Variants in CADM2 observed in about 807,000 individuals in gnomAD.
CADM2 encodes cell adhesion molecule 2.
Under a neutral mutation model 49.8 loss-of-function variants are expected in CADM2, and 12 were observed. That is an observed-to-expected ratio of 0.24 (90% CI 0.15 to 0.39). The LOEUF (loss-of-function observed/expected upper bound fraction) is 0.39, where lower values mean the gene tolerates loss of function less well. Among genes scored for constraint, CADM2 ranks in the 10% least tolerant of loss-of-function variants. The pLI, the probability that CADM2 is intolerant of heterozygous loss-of-function variation, is 1.00. For missense variants in CADM2, 378 were observed against 492.3 expected, an observed-to-expected ratio of 0.77 and a Z score of 2.20; for synonymous variants, 214 against 175.4, an observed-to-expected ratio of 1.22 and a Z score of -1.74.
intron 1 of CADM2, among the ~76,000 whole-genome samples, chr3:85,080,991 T>A (rs1215399036): frequency 6.6e-6 from 1 of 152,060 alleles, no homozygotes; most frequent in Non-Finnish European, 1.5e-5. Flanking sequence ...TACTGAAAAT[T>A]TCTGAGCTTA....
intron 1 of CADM2, among the ~76,000 whole-genome samples, chr3:85,646,116 C>A (rs1186425824): frequency 1.3e-5 from 2 of 151,980 alleles, no homozygotes; most frequent in Admixed American, 6.6e-5. Context: ...ATAAAAATTA[C>A]ATTCAATGTT....
chr3:85,767,105 T>G (rs1173154643), intron 2 of CADM2, among the ~76,000 whole-genome samples: 1 of 152,190 alleles, frequency 6.6e-6, no homozygotes, highest in Admixed American at 6.5e-5. Flanking sequence ...TGTCAAATAT[T>G]TTACTGCTAG....
intron 1 of CADM2, among the ~76,000 whole-genome samples, chr3:85,387,463 A>G (rs540782335): frequency 6.6e-6 from 1 of 152,208 alleles, no homozygotes; most frequent in South Asian, 2.1e-4. Flanking sequence ...GTTGGTGTTC[A>G]TTTTATTTTC....
intron 3 of CADM2, among the ~76,000 whole-genome samples, chr3:85,817,288 T>C (rs1347895700): frequency 1.3e-5 from 2 of 152,124 alleles, no homozygotes; most frequent in South Asian, 2.1e-4. Context: ...GAGTTTTCCA[T>C]ATCACTCACT....
At chr3:85,137,647 C>T (rs747610308) in intron 1 of CADM2, among the ~76,000 whole-genome samples, 1 of 151,964 alleles carries the variant, frequency 6.6e-6, no homozygotes, top group Admixed American at 6.6e-5. Flanking sequence ...TACCAAAGCA[C>T]TTTAAAATGA....
intron 1 of CADM2, among the ~76,000 whole-genome samples, chr3:85,275,422 C>T (rs2043334178): frequency 1.3e-5 from 2 of 151,318 alleles, no homozygotes; most frequent in African/African-American, 4.8e-5. Context: ...AAATAAGTGC[C>T]CCCACCTTCC....
At chr3:85,618,454 T>C (rs2063864873) in intron 1 of CADM2, among the ~76,000 whole-genome samples, 2 of 152,120 alleles carry the variant, frequency 1.3e-5, no homozygotes, top group African/African-American at 4.8e-5. Flanking sequence ...TTTTCGCATA[T>C]CTAACAAGGT....
intron 1 of CADM2, among the ~76,000 whole-genome samples, chr3:85,149,791 C>A (rs1185820560): frequency 6.6e-6 from 1 of 152,144 alleles, no homozygotes; most frequent in Non-Finnish European, 1.5e-5. Context: ...TAAAAGCTTC[C>A]ATTTAACACA....
intron 1 of CADM2, among the ~76,000 whole-genome samples, chr3:85,306,367 T>C (rs1456169486): frequency 6.6e-6 from 1 of 151,762 alleles, no homozygotes; most frequent in East Asian, 1.9e-4. Flanking sequence ...AAACAAATTA[T>C]TGACTTCATC....
At chr3:86,003,601 C>G (rs1172244047) in intron 8 of CADM2, among the ~76,000 whole-genome samples, 1 of 152,178 alleles carries the variant, frequency 6.6e-6, no homozygotes, top group Admixed American at 6.5e-5. Context: ...TCTCAAAAAA[C>G]TTATCTATTA....
At chr3:85,407,855 A>G (rs1021265647) in intron 1 of CADM2, among the ~76,000 whole-genome samples, 1 of 151,892 alleles carries the variant, frequency 6.6e-6, no homozygotes, top group South Asian at 2.1e-4. Flanking sequence ...ACAAACAAAC[A>G]AAAACTAGCC....
At chr3:85,945,359 G>A (rs941704040) in intron 7 of CADM2, among the ~76,000 whole-genome samples, 3 of 152,048 alleles carry the variant, frequency 2.0e-5, no homozygotes, top group East Asian at 1.9e-4. Flanking sequence ...ACAAGGAGGA[G>A]CTGGTACTAT....
At chr3:85,154,142 A>G (rs1328353909) in intron 1 of CADM2, among the ~76,000 whole-genome samples, 1 of 152,208 alleles carries the variant, frequency 6.6e-6, no homozygotes, top group African/African-American at 2.4e-5. Flanking sequence ...AATTACTCCG[A>G]GCTACGGGAG....
At chr3:85,345,525 C>T (rs980840948) in intron 1 of CADM2, among the ~76,000 whole-genome samples, 1 of 151,994 alleles carries the variant, frequency 6.6e-6, no homozygotes, top group African/African-American at 2.4e-5. Context: ...GTCCAAAATT[C>T]TTAACCTGAT....
At chr3:85,463,154 G>A (rs2107593761) in intron 1 of CADM2, among the ~76,000 whole-genome samples, 1 of 152,244 alleles carries the variant, frequency 6.6e-6, no homozygotes, top group Non-Finnish European at 1.5e-5. Flanking sequence ...AGCAGAACTG[G>A]ATATTAGAGA....
At chr3:86,043,726 G>A (rs955282300) in intron 8 of CADM2, among the ~76,000 whole-genome samples, 3 of 152,002 alleles carry the variant, frequency 2.0e-5, no homozygotes, top group African/African-American at 4.8e-5. Flanking sequence ...ATTTCATATG[G>A]AACCAAAAAA....
intron 2 of CADM2, among the ~76,000 whole-genome samples, chr3:85,751,923 G>A (rs751892271): frequency 2.0e-5 from 3 of 152,076 alleles, no homozygotes; most frequent in Non-Finnish European, 2.9e-5. Flanking sequence ...GAGAGCCTTC[G>A]TAAGGACTAA....
At chr3:86,014,583 G>A (rs1327339621) in intron 8 of CADM2, 8 of 1,600,348 alleles carry the variant, frequency 5.0e-6, no homozygotes, top group Non-Finnish European at 6.8e-6. Flanking sequence ...TGTCCCAACA[G>A]TGGAGCACAT....
intron 1 of CADM2, among the ~76,000 whole-genome samples, chr3:85,243,561 G>T (rs1576197389): frequency 6.6e-6 from 1 of 151,940 alleles, no homozygotes; most frequent in South Asian, 2.1e-4. Flanking sequence ...AGTACTTTAT[G>T]CTCTTCAACG....
Sources: allele counts gnomAD v4.1 joint callset (sites outside exome capture counted in the v4.1 genomes callset), GRCh38; gene constraint gnomAD v4.1.1; transcripts MANE v1.5; gene names NCBI Gene and HGNC (gene_info 2026-07-23, HGNC 2026-07-21).